CDH13: variants seen among roughly 807,000 people sequenced by gnomAD.
CDH13 encodes cadherin-13.
A neutral mutation model predicts 63.8 loss-of-function variants in CDH13; 24 were observed. The ratio of observed to expected loss-of-function variants is 0.38; its 90% CI spans 0.27 to 0.53. The LOEUF is 0.53. Ranked by LOEUF, CDH13 falls within the 20% of genes least tolerant of loss-of-function variation. The pLI is 0.85. For synonymous variants in CDH13, 503 were observed against 355.3 expected, an observed-to-expected ratio of 1.42 and a Z score of -4.67; for missense variants, 1,049 against 903.1, an observed-to-expected ratio of 1.16 and a Z score of -2.07.
chr16:82,698,057 T>TGAAA (rs2030549998), intron 1 of CDH13, among the ~76,000 whole-genome samples: 1 of 152,080 alleles, frequency 6.6e-6, no homozygotes. Flanking sequence ...AATGGATGAA[T>TGAAA]GAATGAATGA....
At chr16:83,490,012 C>CAG (rs2073974781) in intron 7 of CDH13, among the ~76,000 whole-genome samples, 1 of 94,232 alleles carries the variant, frequency 1.1e-5, no homozygotes, top group Non-Finnish European at 2.2e-5. Context: ...GCAGAAACCA[C>CAG]ACACACACAC....
intron 3 of CDH13, among the ~76,000 whole-genome samples, chr16:83,116,123 T>G (rs1394130884): frequency 1.3e-5 from 2 of 152,170 alleles, no homozygotes; most frequent in Non-Finnish European, 2.9e-5. Context: ...TGGAGTGCGG[T>G]CCCAGCTGTA....
At chr16:82,755,988 C>G (rs1384420312) in intron 1 of CDH13, among the ~76,000 whole-genome samples, 1 of 152,154 alleles carries the variant, frequency 6.6e-6, no homozygotes, top group African/African-American at 2.4e-5. Flanking sequence ...AAAGAAGTTG[C>G]AGAGCGTTCT....
chr16:83,060,337 C>G (rs2031415361), intron 3 of CDH13, among the ~76,000 whole-genome samples: 1 of 152,086 alleles, frequency 6.6e-6, no homozygotes, highest in Non-Finnish European at 1.5e-5. Flanking sequence ...GCGTAGGTCT[C>G]CATTCTTAAA....
intron 5 of CDH13, among the ~76,000 whole-genome samples, chr16:83,280,882 T>C (rs2089149595): frequency 1.3e-5 from 2 of 152,242 alleles, no homozygotes; most frequent in Non-Finnish European, 2.9e-5. Context: ...TGAACCTTTT[T>C]TTCCTGAGCA....
chr16:83,414,642 T>C (rs1249925265), intron 6 of CDH13, among the ~76,000 whole-genome samples: 1 of 152,226 alleles, frequency 6.6e-6, no homozygotes, highest in Non-Finnish European at 1.5e-5. Flanking sequence ...CTATTTTGAG[T>C]ACTTCATGTA....
chr16:83,099,222 C>T (rs960268742), intron 3 of CDH13, among the ~76,000 whole-genome samples: 2 of 152,160 alleles, frequency 1.3e-5, no homozygotes, highest in Non-Finnish European at 1.5e-5. Flanking sequence ...AGTATGTTTA[C>T]ACAAAGTAGG....
intron 1 of CDH13, among the ~76,000 whole-genome samples, chr16:82,843,573 GA>G (rs34417118): frequency 3.3e-5 from 5 of 150,270 alleles, no homozygotes; most frequent in East Asian, 1.9e-4. Flanking sequence ...ACCTTTAGCA[GA>G]AAAAAAAAGC....
chr16:83,477,756 C>T (rs59506310), intron 6 of CDH13, among the ~76,000 whole-genome samples: 1 of 152,164 alleles, frequency 6.6e-6, no homozygotes, highest in African/African-American at 2.4e-5. Context: ...CAGACAAGGT[C>T]AAAAGCTGGT....
chr16:82,786,601 A>G (rs113436691), intron 1 of CDH13, among the ~76,000 whole-genome samples: 6,637 of 150,864 alleles, frequency 0.044, 218 homozygotes, highest in Non-Finnish European at 0.069. Context: ...GGTGTGCTGC[A>G]CCCGTTACCT....
intron 10 of CDH13, among the ~76,000 whole-genome samples, chr16:83,728,673 C>A (rs187708688): frequency 5.3e-5 from 8 of 152,140 alleles, no homozygotes; most frequent in Non-Finnish European, 1.0e-4. Flanking sequence ...CACACAATTA[C>A]GACATGCCGT....
At chr16:83,301,848 C>G (rs1193160476) in intron 5 of CDH13, among the ~76,000 whole-genome samples, 2 of 151,338 alleles carry the variant, frequency 1.3e-5, no homozygotes, top group Non-Finnish European at 2.9e-5. Context: ...TACATTTATG[C>G]TTAATTTAAA....
intron 1 of CDH13, among the ~76,000 whole-genome samples, chr16:82,675,656 G>GGACTCAC (rs1268800118): frequency 3.9e-5 from 6 of 152,140 alleles, no homozygotes; most frequent in Admixed American, 3.9e-4. Context: ...CAAACCTGCT[G>GGACTCAC]GACTCACGTT....
At position 83,536,983 on chromosome 16, in the gene CDH13, C is replaced by G. The variant is rs74032175; in HGVS notation, c.960+50328C>G. On this transcript the variant is annotated intron_variant, in intron 7 of 13. Transcript: ENST00000567109. ...TTTCATCTTCTCAGTAAAGCAGAAG[C>G]CTGGCTCATTTGCTGAAAAAGAGTG... is the stretch of plus-strand genomic sequence containing the variant. 2.4e-3 allele frequency among the ~76,000 whole-genome samples: 360 copies of G among 152,276 alleles called. 2 individuals are homozygous for G. Among genetic ancestry groups the G allele is most frequent in the African/African-American group, 8.3e-3 (343 of 41,556 alleles).
At chr16:82,702,251 A>C (rs1175096501) in intron 1 of CDH13, among the ~76,000 whole-genome samples, 1 of 152,104 alleles carries the variant, frequency 6.6e-6, no homozygotes, top group Non-Finnish European at 1.5e-5. Context: ...CACCCCAAAA[A>C]GCCTCCTTAA....
At chr16:83,765,931 T>C (rs1047506623) in intron 11 of CDH13, among the ~76,000 whole-genome samples, 1 of 152,172 alleles carries the variant, frequency 6.6e-6, no homozygotes, top group Non-Finnish European at 1.5e-5. Context: ...TCACAGCTGC[T>C]TATTGAAGGT....
chr16:82,650,326 G>A (rs1910581288), intron 1 of CDH13, among the ~76,000 whole-genome samples: 1 of 152,326 alleles, frequency 6.6e-6, no homozygotes, highest in Admixed American at 6.5e-5. Flanking sequence ...GAGAGTGGCT[G>A]AGGAGCAAGG....
At chr16:82,768,191 A>G (rs1450790943) in intron 1 of CDH13, among the ~76,000 whole-genome samples, 1 of 152,332 alleles carries the variant, frequency 6.6e-6, no homozygotes, top group Admixed American at 6.5e-5. Flanking sequence ...TAATTTTCTC[A>G]ACTAAATTGC....
intron 8 of CDH13, among the ~76,000 whole-genome samples, chr16:83,667,603 A>C (rs1914114378): frequency 6.6e-6 from 1 of 152,164 alleles, no homozygotes. Flanking sequence ...TAAAATCGAA[A>C]GAAATAAAAA....
Sources: gnomAD v4.1 joint callset for allele counts (sites outside exome capture counted in the v4.1 genomes callset) on GRCh38, gnomAD v4.1.1 for gene constraint, MANE v1.5 for transcripts, NCBI Gene and HGNC (gene_info 2026-07-23, HGNC 2026-07-21) for gene names.